Variants in ECPAS observed in about 807,000 individuals in gnomAD.
ECPAS encodes Ecm29 proteasome adaptor and scaffold, also known as proteasome adapter and scaffold protein ECM29.
ECPAS carries 70 observed loss-of-function variants against 255.1 expected under a neutral mutation model. The observed-to-expected ratio is 0.27, with a 90% CI of 0.23 to 0.33. The LOEUF (loss-of-function observed/expected upper bound fraction) is 0.33, where lower values mean the gene tolerates loss of function less well. Ranked by LOEUF, ECPAS falls within the 10% of genes least tolerant of loss-of-function variation. The probability of loss-of-function intolerance (pLI) is 1.00; values close to 1 mark genes in which losing one functional copy is unlikely to be tolerated. For missense variants in ECPAS, 1,817 were observed against 2,206.4 expected (o/e 0.82, Z 3.54); for synonymous variants, 784 against 775.0 (o/e 1.01, Z -0.19).
intron 45 of ECPAS, among the ~76,000 whole-genome samples, chr9:111,370,118 G>A (rs2098125526): frequency 6.6e-6 from 1 of 152,184 alleles, no homozygotes. Context: ...CATGCCCACT[G>A]TATCCTTCAT....
rs771048851 is a variant in ECPAS, at chr9:111,484,354, A to C, written c.-321T>G. The C allele has an allele frequency of 6.2e-7, 1 of 1,610,140 alleles. No homozygotes were observed. The highest frequency in any genetic ancestry group is 2.2e-5 in the East Asian group (1 of 44,746). On this transcript the variant is annotated 5_prime_UTR_variant, in exon 1 of 50. Coordinates refer to ENST00000684092, the MANE Select transcript of ECPAS (RefSeq NM_001364929.1). ...TTGGCTGGGCCCGACCTGGGGAAAC[A>C]CGCCTGTCCAAAGGAAGAGACGTGG...
intron 45 of ECPAS, 49 bp downstream of exon 45, chr9:111,370,386 T>G: frequency 7.7e-7 from 1 of 1,306,932 alleles, no homozygotes; most frequent in Non-Finnish European, 1.0e-6. Flanking sequence ...ATTTTTTAAC[T>G]TTTTCTTTTT....
At position 111,389,577 on chromosome 9, in the gene ECPAS, C is replaced by G. The variant is rs762336695; in HGVS notation, c.3426G>C (p.Ala1142=). The G allele has an allele frequency of 6.2e-7, 1 of 1,613,454 alleles. No individual in the cohort carries two copies. Among genetic ancestry groups the G allele is most frequent in the South Asian group, 1.1e-5 (1 of 91,006 alleles). The part of the protein sequence containing the change: ...IRQAMTSIWN[A]LVTDKSMVDK... ...TTACCATGGATTTGTCAGTGACCAA[C>G]GCATTCCAAATACTTGTCATGGCCT... Residue 1142 remains alanine, a synonymous_variant, in exon 31 of 50, where the codon GCG becomes GCC. Transcript: ENST00000684092.
At chr9:111,437,223 G>A in intron 6 of ECPAS, 115 bp from the exon 7 acceptor site, 2 of 832,534 alleles carry the variant, frequency 2.4e-6, no homozygotes, top group African/African-American at 1.8e-5. Flanking sequence ...CTAGAAGAAT[G>A]AACACTTGAA....
Position 111,366,618 on chromosome 9 carries a change from C to T in ECPAS, c.5123G>A (p.Arg1708His), listed in dbSNP as rs780367733. ...PRNAETQRCY[R>H]QELCKLMCER... is the part of the protein sequence containing the mutation. ...ACACATCAGTTTGCACAGCTCCTGACGATAACAACCTGGGAAAAAAAGACA... is the reference window on the plus strand; with the variant it reads ...ACACATCAGTTTGCACAGCTCCTGATGATAACAACCTGGGAAAAAAAGACA... Residue 1708 changes from arginine to histidine, a missense_variant, in exon 47 of 50, where the codon CGT becomes CAT. Physicochemically the swap from Arg to His is conservative, Grantham distance 29. Around this residue, in one of 4 missense-constraint regions of ECPAS, gnomAD observed 960 missense variants for 1,179.0 expected, o/e 0.81. Coordinates refer to ENST00000684092, the MANE Select transcript of ECPAS (RefSeq NM_001364929.1). The T allele has an allele frequency of 9.9e-6, 16 of 1,611,124 alleles. No homozygotes were observed. In the Admixed American group the frequency reaches 1.2e-4, roughly 12 times the overall value.
chr9:111,414,192 T>C (rs1209168397), intron 19 of ECPAS, among the ~76,000 whole-genome samples: 2 of 152,104 alleles, frequency 1.3e-5, no homozygotes, highest in Admixed American at 1.3e-4. Context: ...ATAAAAAGGA[T>C]ATCCTGTTCT....
chr9:111,466,451 T>TA (rs969380107), intron 2 of ECPAS, among the ~76,000 whole-genome samples: 2 of 145,712 alleles, frequency 1.4e-5, no homozygotes, highest in African/African-American at 2.5e-5. Context: ...TCTCAAAAAA[T>TA]AAAAAAAAAG....
Position 111,476,413 on chromosome 9 carries a change from T to C in ECPAS, c.-82-3413A>G, listed in dbSNP as rs190575840. Among the ~76,000 whole-genome samples, 259 of 152,280 alleles carry C rather than the reference T, an allele frequency of 1.7e-3. 2 individuals carry two copies. Among genetic ancestry groups the C allele is most frequent in the Non-Finnish European group, 3.1e-3 (210 of 68,024 alleles). ...GCATTGAATTTCATTTCATTTGCAATAGTTATAATCACTCTAAGCATAAGG... is the reference window on the plus strand; with the variant it reads ...GCATTGAATTTCATTTCATTTGCAACAGTTATAATCACTCTAAGCATAAGG... On this transcript the variant is annotated intron_variant, in intron 1 of 49. Coordinates refer to ENST00000684092, the MANE Select transcript of ECPAS (RefSeq NM_001364929.1).
At chr9:111,484,060 C>A in intron 1 of ECPAS, 56 bp downstream of exon 1, 2 of 1,129,376 alleles carry the variant, frequency 1.8e-6, no homozygotes, top group Non-Finnish European at 2.2e-6. Context: ...CCCGGCCTAA[C>A]CGCGCCGCCG....
Position 111,378,646 on chromosome 9 carries a change from C to T in ECPAS, c.3888G>A (p.Glu1296=), listed in dbSNP as rs1158319336. Residue 1296 remains glutamate, a synonymous_variant, in exon 36 of 50, where the codon GAG becomes GAA. Transcript: ENST00000684092. The part of the protein sequence containing the change: ...HAPKLIPALL[E]SLSVLEPQVL... ...CTTGGGGCTCCAATACACTTAAGGACTCTAGCAGAGCTGGAATGAGTTTTG... is the reference window on the plus strand; with the variant it reads ...CTTGGGGCTCCAATACACTTAAGGATTCTAGCAGAGCTGGAATGAGTTTTG... The T allele has an allele frequency of 6.2e-7, 1 of 1,613,882 alleles. No individual in the cohort carries two copies. Among genetic ancestry groups the T allele is most frequent in the Admixed American group, 1.7e-5 (1 of 60,026 alleles).
In ECPAS at chr9:111,427,052, C is replaced by T. The variant is rs185859949; in HGVS notation, c.1050+990G>A. 1.7e-3 allele frequency among the ~76,000 whole-genome samples: 254 copies of T among 150,784 alleles called. 3 individuals carry two copies. Among genetic ancestry groups the T allele is most frequent in the Admixed American group, 0.016 (235 of 15,124 alleles). On this transcript the variant is annotated intron_variant, in intron 10 of 49. Coordinates refer to ENST00000684092, the MANE Select transcript of ECPAS (RefSeq NM_001364929.1). ...GAAACAGACTTTTTTTTTAGCTACT[C>T]GGGAGGCTGAGGTGGAAGGATCACT...
intron 25 of ECPAS, among the ~76,000 whole-genome samples, chr9:111,395,960 T>C (rs535260179): frequency 4.6e-5 from 7 of 152,326 alleles, no homozygotes; most frequent in African/African-American, 1.2e-4. Context: ...CAAGCAAAAG[T>C]GTGTTTTTCT....
In ECPAS at chr9:111,411,160, A is replaced by G; in HGVS notation, c.2215-18T>C. ...TCCGGGCTCTGAATTTAGCAAAAAC[A>G]ATAGCATATCTCTGGCTCTCTCTCA... On this transcript the variant is annotated intron_variant, in intron 21 of 49. Coordinates refer to ENST00000684092, the MANE Select transcript of ECPAS (RefSeq NM_001364929.1). 1 of 1,612,804 alleles carries G rather than the reference A, an allele frequency of 6.2e-7. No individual in the cohort carries two copies. Among genetic ancestry groups the G allele is most frequent in the South Asian group, 1.1e-5 (1 of 91,048 alleles).
At chr9:111,393,780 T>G (rs771290242) in intron 26 of ECPAS, 46 bp from the exon 27 acceptor site, 1 of 1,284,246 alleles carries the variant, frequency 7.8e-7, no homozygotes, top group Non-Finnish European at 1.1e-6. Flanking sequence ...TCTACCTCTT[T>G]GAGAGAATAA....
At chr9:111,429,355 G>A (rs1192958389) in intron 9 of ECPAS, among the ~76,000 whole-genome samples, 3 of 152,038 alleles carry the variant, frequency 2.0e-5, no homozygotes, top group East Asian at 1.9e-4. Flanking sequence ...AACCTAGCAA[G>A]TACACTCACC....
Position 111,389,539 on chromosome 9 carries a change from G to C in ECPAS, c.3447+17C>G. 6.2e-7 allele frequency: 1 copy of C among 1,607,306 alleles called. No individual in the cohort carries two copies. The highest frequency in any genetic ancestry group is 1.1e-5 in the South Asian group (1 of 89,976). ...GTCTACAGTGTTTTCCTAACACAGG[G>C]GTTCACAGACACTTACCATGGATTT... On this transcript the variant is annotated intron_variant, in intron 31 of 49. Coordinates refer to ENST00000684092, the MANE Select transcript of ECPAS (RefSeq NM_001364929.1).
chr9:111,443,161 C>G (rs1317002635), intron 4 of ECPAS, among the ~76,000 whole-genome samples: 1 of 152,192 alleles, frequency 6.6e-6, no homozygotes, highest in East Asian at 1.9e-4. Context: ...ACCTGTATCA[C>G]TATAATCTGT....
At chr9:111,414,809 C>A (rs953867925) in intron 18 of ECPAS, among the ~76,000 whole-genome samples, 158 bp from the exon 19 acceptor site, 1 of 152,154 alleles carries the variant, frequency 6.6e-6, no homozygotes, top group Non-Finnish European at 1.5e-5. Flanking sequence ...CATAATGGAG[C>A]AAAATTTGTA....
intron 48 of ECPAS, chr9:111,365,553 C>T (rs2098119427): frequency 6.6e-6 from 1 of 151,934 alleles, no homozygotes; most frequent in Non-Finnish European, 1.5e-5. Flanking sequence ...GTAATCCCAG[C>T]TACTTGGGAG....
Sources: allele counts gnomAD v4.1 joint callset (sites outside exome capture counted in the v4.1 genomes callset), GRCh38; gene constraint gnomAD v4.1.1; regional missense constraint gnomAD v4.1.1; transcripts MANE v1.5; gene names NCBI Gene and HGNC (gene_info 2026-07-23, HGNC 2026-07-21).